The following F8 variants were observed in gnomAD, a reference collection of about 807,000 sequenced individuals.
The protein encoded by F8 is coagulation factor VIII, also known as antihemophilic factor.
F8 carries 12 observed loss-of-function variants against 140.6 expected under a neutral mutation model. The observed-to-expected ratio is 0.09, with a 90% CI of 0.05 to 0.14. The LOEUF is 0.14. Ranked by LOEUF, F8 falls within the 10% of genes least tolerant of loss-of-function variation. The pLI, the probability that F8 is intolerant of heterozygous loss-of-function variation, is 1.00. For missense variants in F8, 1,354 were observed against 1,720.7 expected, an observed-to-expected ratio of 0.79 and a Z score of 3.77; for synonymous variants, 585 against 614.6, an observed-to-expected ratio of 0.95 and a Z score of 0.71.
rs376189802 is a variant in F8 at position 154,929,571 on chromosome X, A to T, written c.4219T>A (p.Leu1407Ile). Residue 1407 changes from leucine to isoleucine, a missense_variant, in exon 14 of 26, where the codon TTA becomes ATA. By Grantham distance (5) the Leu-to-Ile change is conservative. Coordinates refer to ENST00000360256, the MANE Select transcript of F8 (RefSeq NM_000132.4). ...AATGATGATACCTTTGCAATGGGTA[A>T]TGGAGATCTATTTGCTTGAGGGATG... is the stretch of plus-strand genomic sequence containing the variant. ...HSIPQANRSP[L>I]PIAKVSSFPS... is the part of the protein sequence containing the mutation. 7.4e-6 allele frequency: 9 copies of T among 1,211,042 alleles called. No homozygotes were observed. The highest frequency in any genetic ancestry group is 8.9e-6 in the Non-Finnish European group (8 of 895,139).
rs1014569441 is a variant in F8 at position 154,860,322 on chromosome X, A to T, written c.6900+110T>A. 2.9e-4 allele frequency: 231 copies of T among 799,392 alleles called. No homozygotes were observed. The East Asian group carries it at 7.1e-3, about 25-fold the overall frequency. The allele number at this position is 799,392 out of a possible 1,213,427, so 65.9% of individuals were successfully genotyped here. On this transcript the variant is annotated intron_variant, in intron 25 of 25. Transcript: ENST00000360256. ...TCTTGCTACCATAGGTACTTAATAAATTTTGCTCTGAAAATTTGGTCATAT... is the reference window on the plus strand; with the variant it reads ...TCTTGCTACCATAGGTACTTAATAATTTTTGCTCTGAAAATTTGGTCATAT...
intron 6 of F8, among the ~76,000 whole-genome samples, chrX:154,976,570 C>T (rs2073486999): frequency 9.2e-6 from 1 of 108,520 alleles, no homozygotes; most frequent in South Asian, 4.1e-4. Flanking sequence ...GCTATCCCTC[C>T]CCCTTCCCCC....
At chrX:154,939,156 C>T (rs782433406) in intron 13 of F8, among the ~76,000 whole-genome samples, 2 of 111,199 alleles carry the variant, frequency 1.8e-5, no homozygotes, top group South Asian at 3.8e-4. Flanking sequence ...TGGGGAGTGC[C>T]GGACAGTGGG....
chrX:154,932,263 A>G (rs1392957931), intron 13 of F8, among the ~76,000 whole-genome samples: 1 of 112,485 alleles, frequency 8.9e-6, no homozygotes, highest in Non-Finnish European at 1.9e-5. Context: ...CACTTGCAGA[A>G]TATGTAAGCA....
rs1404104157 is a variant in F8, at chrX:154,938,874, G to A, written c.2114-7198C>T. On this transcript the variant is annotated intron_variant, in intron 13 of 25. Transcript: ENST00000360256. ...AAATGCAGAAAAGAATGAAAGAAAT[G>A]AAAGGTGTAAATATATATATATATA... Among the ~76,000 whole-genome samples, 8 of 91,376 alleles carry A rather than the reference G, an allele frequency of 8.8e-5. No homozygotes were observed. In the East Asian group the frequency reaches 2.1e-3, roughly 24 times the overall value. 79.3% of individuals were successfully genotyped at this position (91,376 alleles called of 115,157 possible).
At chrX:154,867,404 G>T (rs2072739018) in intron 22 of F8, among the ~76,000 whole-genome samples, 1 of 110,666 alleles carries the variant, frequency 9.0e-6, no homozygotes, top group African/African-American at 3.3e-5. Flanking sequence ...CTACAGGCCA[G>T]GCCAGGTGTG....
intron 25 of F8, among the ~76,000 whole-genome samples, chrX:154,845,743 G>A (rs868942427): frequency 9.0e-6 from 1 of 111,597 alleles, no homozygotes; most frequent in Non-Finnish European, 1.9e-5. Context: ...CAAAAAACCA[G>A]TTCCTGGATT....
intron 9 of F8, chrX:154,965,749 C>T: frequency 2.5e-6 from 1 of 403,956 alleles, no homozygotes; most frequent in Non-Finnish European, 4.3e-6. Flanking sequence ...AAAGTCTAAG[C>T]AGTATTTCAA....
chrX:154,980,693 T>A (rs1174177345), intron 6 of F8, among the ~76,000 whole-genome samples: 2 of 111,956 alleles, frequency 1.8e-5, no homozygotes, highest in African/African-American at 6.5e-5. Flanking sequence ...GTGTGGTGGC[T>A]CATACTTGTA....
chrX:154,945,987 A>G (rs1482138553), intron 13 of F8, among the ~76,000 whole-genome samples: 1 of 111,797 alleles, frequency 8.9e-6, no homozygotes, highest in Non-Finnish European at 1.9e-5. Context: ...AATCATTTAC[A>G]ATAGCTATAA....
At chrX:154,914,175 A>G (rs2073082758) in intron 14 of F8, among the ~76,000 whole-genome samples, 1 of 112,809 alleles carries the variant, frequency 8.9e-6, no homozygotes, top group South Asian at 3.6e-4. Flanking sequence ...GGCCTCTTAT[A>G]GCTGGAGTGG....
Position 154,904,965 on chromosome X carries a change from T to G in F8, c.5432A>C (p.Tyr1811Ser). Residue 1811 changes from tyrosine to serine, a missense_variant, in exon 16 of 26, where the codon TAT (tyrosine) becomes TCT (serine). Transcript: ENST00000360256. ...TGCTCCTTGCCTCTGATCTTCCTCA[T>G]AAGAAATAAGGCTAGAATAGAAGGA... ...PYSFYSSLIS[Y>S]EEDQRQGAEP... The G allele has an allele frequency of 8.3e-7, 1 of 1,208,555 alleles. No homozygotes were observed. The highest frequency in any genetic ancestry group is 1.1e-6 in the Non-Finnish European group (1 of 894,295).
At chrX:154,922,381 T>G (rs1161275618) in intron 14 of F8, among the ~76,000 whole-genome samples, 2 of 112,465 alleles carry the variant, frequency 1.8e-5, no homozygotes, top group African/African-American at 6.5e-5. Context: ...TTCTAATTCA[T>G]TCAACATACA....
rs1457099241 is a variant in F8 at position 155,016,262 on chromosome X, C to T, written c.143+6148G>A. On this transcript the variant is annotated intron_variant, in intron 1 of 25. Transcript: ENST00000360256. ...AAAAAAAAAGTATAGTGAGATACCA[C>T]TGTGCAGTCATTAAGTACTGGCAAC... is the stretch of plus-strand genomic sequence containing the variant. Among the ~76,000 whole-genome samples, 6 of 110,791 alleles carry T rather than the reference C, an allele frequency of 5.4e-5. No individual in the cohort carries two copies. The East Asian group carries it at 1.7e-3, about 31-fold the overall frequency.
intron 25 of F8, among the ~76,000 whole-genome samples, chrX:154,846,283 T>C (rs1373422301): frequency 8.9e-6 from 1 of 112,015 alleles, no homozygotes; most frequent in Non-Finnish European, 1.9e-5. Context: ...GAGAGTTCTG[T>C]AGATGTCTAT....
At chrX:154,917,335 T>C (rs1402238420) in intron 14 of F8, among the ~76,000 whole-genome samples, 1 of 111,430 alleles carries the variant, frequency 9.0e-6, no homozygotes, top group African/African-American at 3.3e-5. Context: ...CTCCTTTATA[T>C]GTTATTTGCT....
chrX:154,996,948 G>A, intron 3 of F8, 25 bp downstream of exon 3: 1 of 1,206,491 alleles, frequency 8.3e-7, no homozygotes, highest in Non-Finnish European at 1.1e-6. Context: ...AGAATGACAG[G>A]ACAATAGGAG....
At chrX:154,843,317 G>T (rs2072537132) in intron 25 of F8, among the ~76,000 whole-genome samples, 1 of 111,844 alleles carries the variant, frequency 8.9e-6, no homozygotes, top group South Asian at 3.7e-4. Context: ...CCCAGTAATG[G>T]GATGGCTGGG....
chrX:154,861,632 C>T, intron 24 of F8, 86 bp downstream of exon 24: 1 of 1,095,376 alleles, frequency 9.1e-7, no homozygotes, highest in African/African-American at 1.8e-5. Context: ...ACAGAAATAC[C>T]TCAGAAGAAA....
Sources: gnomAD v4.1 joint callset for allele counts (sites outside exome capture counted in the v4.1 genomes callset) on GRCh38, gnomAD v4.1.1 for gene constraint, MANE v1.5 for transcripts, NCBI Gene and HGNC (gene_info 2026-07-23, HGNC 2026-07-21) for gene names.